DOC2B: variants seen among roughly 807,000 people sequenced by gnomAD.
The protein encoded by DOC2B is double C2-like domain-containing protein beta.
A neutral mutation model predicts 28.9 loss-of-function variants in DOC2B; 21 were observed. The ratio of observed to expected loss-of-function variants is 0.73; its 90% CI spans 0.52 to 1.05. The LOEUF (loss-of-function observed/expected upper bound fraction) is 1.05, where lower values mean the gene tolerates loss of function less well. DOC2B is among the 50% of genes least tolerant of loss of function. The pLI is 0.00. For missense variants in DOC2B, 384 were observed against 421.1 expected (o/e 0.91, Z 0.77); for synonymous variants, 194 against 178.1 (o/e 1.09, Z -0.71).
At chr17:147,645 C>T in intron 8 of DOC2B, 68 bp from the exon 9 acceptor site, 2 of 398,780 alleles carry the variant, frequency 5.0e-6, no homozygotes, top group Non-Finnish European at 8.8e-6. Context: ...GGCCCATGCC[C>T]CCTCCCAGGT....
Position 181,402 on chromosome 17 carries a change from G to T in DOC2B, c.78C>A (p.Pro26=), listed in dbSNP as rs1440076910. The change falls in exon 1 of 9, where the codon CCC becomes CCA. Residue 26 remains proline, a synonymous_variant. Coordinates refer to ENST00000613549, the MANE Select transcript of DOC2B (RefSeq NM_003585.5). This position sits in a 1 kb window ranked among gnomAD's most constrained non-coding sequence, Gnocchi z 7.0. ...EHMAIDVCPG[P]IRPIKQISDY... is the part of the protein sequence containing the mutation. Reference sequence around the variant, plus strand: ...CGGAGATCTGCTTGATGGGACGGATGGGGCCGGGGCACACGTCGATGGCCA... The same window carrying T: ...CGGAGATCTGCTTGATGGGACGGATTGGGCCGGGGCACACGTCGATGGCCA... 8.5e-7 allele frequency: 1 copy of T among 1,171,412 alleles called. No homozygotes were observed. Among genetic ancestry groups the T allele is most frequent in the Non-Finnish European group, 1.1e-6 (1 of 941,802 alleles). The allele number at this position is 1,171,412 out of a possible 1,614,324, so 72.6% of individuals were successfully genotyped here.
At chr17:161,107 T>C (rs935095861) in intron 5 of DOC2B, among the ~76,000 whole-genome samples, 3 of 151,886 alleles carry the variant, frequency 2.0e-5, no homozygotes, top group Non-Finnish European at 2.9e-5. Context: ...TGTGCCCATC[T>C]CTCCCCATCT....
Position 147,494 on chromosome 17 carries a change from C to T in DOC2B, c.1186G>A (p.Glu396Lys), listed in dbSNP as rs1023847973. ...TCGCTGGTGAGCGTGTGCCAGCGCT[C>T]GATGCGCTTGTCCTTGTTCTTCAGG... Reference protein sequence around the residue: ...DCLKNKDKRIERWHTLTSELP... With the variant: ...DCLKNKDKRIKRWHTLTSELP... The change falls in exon 9 of 9, where the codon GAG becomes AAG. Residue 396 changes from glutamate (E) to lysine (K), a missense_variant. Glu to Lys is a moderately conservative substitution (Grantham distance 56). Transcript: ENST00000613549. 2.0e-5 allele frequency: 8 copies of T among 398,708 alleles called. No homozygotes were observed. Among genetic ancestry groups the T allele is most frequent in the Non-Finnish European group, 3.5e-5 (8 of 226,208 alleles). 24.7% of individuals were successfully genotyped at this position (398,708 alleles called of 1,614,324 possible). A position where few individuals can be genotyped will look rare whatever the true frequency, so the allele number is the denominator to read the frequency against.
intron 3 of DOC2B, among the ~76,000 whole-genome samples, chr17:162,852 G>A (rs2040221036): frequency 6.6e-6 from 1 of 152,144 alleles, no homozygotes; most frequent in Non-Finnish European, 1.5e-5. Flanking sequence ...CCTCTGCCTG[G>A]AACCCATCCC....
intron 6 of DOC2B, among the ~76,000 whole-genome samples, chr17:151,872 T>C (rs34151105): frequency 0.07 from 10,686 of 152,296 alleles, 508 homozygotes; most frequent in Non-Finnish European, 0.1. Flanking sequence ...CCTTCAGCCA[T>C]GGACAGTTCC....
chr17:177,914 AC>A (rs2040389303), intron 1 of DOC2B, among the ~76,000 whole-genome samples: 1 of 152,226 alleles, frequency 6.6e-6, no homozygotes, highest in Admixed American at 6.5e-5. Flanking sequence ...ATCGGTCCTG[AC>A]CCGGTCCTGG....
chr17:175,908 C>T (rs1374995039), intron 1 of DOC2B, among the ~76,000 whole-genome samples: 1 of 152,232 alleles, frequency 6.6e-6, no homozygotes, highest in East Asian at 1.9e-4. Context: ...TGGGAAGGAA[C>T]AGCACACCCA....
In DOC2B at chr17:156,272, C is replaced by T. The variant is rs530133539; in HGVS notation, c.871G>A (p.Ala291Thr). ...TTGGCGTCCATGGCGGCCAGGTGGGCGCACCGCACGATGCCTACCAGCAGG... is the reference window on the plus strand; with the variant it reads ...TTGGCGTCCATGGCGGCCAGGTGGGTGCACCGCACGATGCCTACCAGCAGG... ...QGLLVGIVRCAHLAAMDANGY... is the reference protein window; with the variant it reads ...QGLLVGIVRCTHLAAMDANGY... The change falls in exon 6 of 9, where the codon GCC becomes ACC. Residue 291 changes from alanine (A) to threonine (T), a missense_variant. Transcript: ENST00000613549. 2.5e-5 allele frequency: 39 copies of T among 1,551,630 alleles called. No individual in the cohort carries two copies. Among genetic ancestry groups the T allele is most frequent in the African/African-American group, 9.6e-5 (7 of 73,162 alleles).
At chr17:156,033 C>T in intron 6 of DOC2B, 187 bp downstream of exon 6, 1 of 618,102 alleles carries the variant, frequency 1.6e-6, no homozygotes, top group Non-Finnish European at 2.7e-6. Context: ...CTCAGTTTCC[C>T]CATCTGTGAA....
chr17:158,402 C>T (rs34938178), intron 5 of DOC2B, among the ~76,000 whole-genome samples: 3,889 of 152,258 alleles, frequency 0.026, 75 homozygotes, highest in Middle Eastern at 0.095. Context: ...CAACCGTGCC[C>T]TGCCTAACAC....
chr17:162,934 C>T (rs890254843), intron 3 of DOC2B, among the ~76,000 whole-genome samples: 2 of 152,304 alleles, frequency 1.3e-5, no homozygotes, highest in Admixed American at 6.5e-5. Flanking sequence ...CCTGTGCCAG[C>T]GGCTCTGAGC....
chr17:160,433 A>G (rs1251175946), intron 5 of DOC2B, among the ~76,000 whole-genome samples: 1 of 152,234 alleles, frequency 6.6e-6, no homozygotes, highest in East Asian at 1.9e-4. Flanking sequence ...CCGTGGCCTC[A>G]GGCTGACTCG....
rs2151479633 is a variant in DOC2B at position 180,970 on chromosome 17, C to A, written c.373+137G>T. Reference sequence around the variant, plus strand: ...GCGCACCGAGTGCGCCAGGGGCCCGCAAGCCCGCGGCGGGGTTGTGAACCG... The same window carrying A: ...GCGCACCGAGTGCGCCAGGGGCCCGAAAGCCCGCGGCGGGGTTGTGAACCG... On this transcript the variant is annotated intron_variant, in intron 1 of 8. Transcript: ENST00000613549. The A allele has an allele frequency of 6.8e-6, 5 of 739,408 alleles. No homozygotes were observed. In the African/African-American group the frequency reaches 7.3e-5, roughly 11 times the overall value. 45.8% of individuals were successfully genotyped at this position (739,408 alleles called of 1,614,324 possible).
In DOC2B at chr17:143,613, G is replaced by A. The variant is rs1011217319; in HGVS notation, c.*3828C>T. The A allele has an allele frequency of 1.3e-5, 2 of 152,164 alleles. No homozygotes were observed. The highest frequency in any genetic ancestry group is 2.4e-5 in the African/African-American group (1 of 41,416). 9.4% of individuals were successfully genotyped at this position (152,164 alleles called of 1,614,324 possible). On this transcript the variant is annotated 3_prime_UTR_variant, in exon 9 of 9. Transcript: ENST00000613549. ...TTCTCCCACCTCGACCTCCAAAAGT[G>A]CTAGGACTTACAGGCGTGAGCCACC...
At chr17:165,701 G>A (rs1371139280) in intron 2 of DOC2B, among the ~76,000 whole-genome samples, 1 of 152,058 alleles carries the variant, frequency 6.6e-6, no homozygotes, top group Non-Finnish European at 1.5e-5. Context: ...TCTGGGACAG[G>A]GCCTGGCTCA....
At chr17:177,077 T>TTAA (rs1555524767) in intron 1 of DOC2B, among the ~76,000 whole-genome samples, 1 of 143,590 alleles carries the variant, frequency 7.0e-6, no homozygotes, top group African/African-American at 2.6e-5. Flanking sequence ...TCAAATACTT[T>TTAA]AAAAAAAACA....
At chr17:160,526 G>A (rs779090131) in intron 5 of DOC2B, among the ~76,000 whole-genome samples, 7 of 152,310 alleles carry the variant, frequency 4.6e-5, no homozygotes, top group Non-Finnish European at 7.3e-5. Context: ...GGGGACAGCC[G>A]CCGGGCTCTG....
chr17:146,326 T>C lies in DOC2B; in HGVS notation c.*1115A>G, dbSNP rs1250703407. 1.3e-5 allele frequency: 2 copies of C among 152,154 alleles called. No individual in the cohort carries two copies. Among genetic ancestry groups the C allele is most frequent in the Non-Finnish European group, 2.9e-5 (2 of 68,032 alleles). 9.4% of individuals were successfully genotyped at this position (152,154 alleles called of 1,614,324 possible). On this transcript the variant is annotated 3_prime_UTR_variant, in exon 9 of 9. Transcript: ENST00000613549. ...GACGTGTAGGAATGCTTGCTTTTTT[T>C]CCCAAGCACAAGGGACCCTTTTCTC...
At chr17:163,897 C>A (rs2040231849) in intron 3 of DOC2B, among the ~76,000 whole-genome samples, 1 of 152,236 alleles carries the variant, frequency 6.6e-6, no homozygotes, top group Admixed American at 6.5e-5. Flanking sequence ...GTAGGTAACG[C>A]TGACTCGTGA....
Sources: allele counts gnomAD v4.1 joint callset (sites outside exome capture counted in the v4.1 genomes callset), GRCh38; gene constraint gnomAD v4.1.1; non-coding constraint Gnocchi (gnomAD v3.1); transcripts MANE v1.5; gene names NCBI Gene and HGNC (gene_info 2026-07-23, HGNC 2026-07-21).